Variants in STARD10 observed in about 807,000 individuals in gnomAD.
STARD10 encodes StAR related lipid transfer domain containing 10.
A neutral mutation model predicts 36.0 loss-of-function variants in STARD10; 24 were observed. The observed-to-expected ratio is 0.67, with a 90% CI of 0.48 to 0.94. The LOEUF is 0.94. Ranked by LOEUF, STARD10 falls within the 40% of genes least tolerant of loss-of-function variation. The pLI, the probability that STARD10 is intolerant of heterozygous loss-of-function variation, is 0.00. For missense variants in STARD10, 335 were observed against 396.6 expected, an observed-to-expected ratio of 0.84 and a Z score of 1.32; for synonymous variants, 156 against 161.9, an observed-to-expected ratio of 0.96 and a Z score of 0.28.
At chr11:72,790,069 A>G (rs1229508417) in intron 1 of STARD10, among the ~76,000 whole-genome samples, 1 of 152,098 alleles carries the variant, frequency 6.6e-6, no homozygotes, top group Non-Finnish European at 1.5e-5. Context: ...CACCAAGGAG[A>G]GCTCTCGGCC....
At chr11:72,774,859 G>A (rs1858910052) in intron 2 of STARD10, among the ~76,000 whole-genome samples, 1 of 152,238 alleles carries the variant, frequency 6.6e-6, no homozygotes, top group African/African-American at 2.4e-5. Context: ...AGATGCAGGG[G>A]AAGAAAGAAA....
At chr11:72,780,725 G>A (rs535060283) in intron 2 of STARD10, 7 of 552,310 alleles carry the variant, frequency 1.3e-5, no homozygotes, top group Non-Finnish European at 2.3e-5. Flanking sequence ...GAACAGGCAG[G>A]GGCATGCAGA....
At chr11:72,779,179 C>A (rs1313297841) in intron 2 of STARD10, among the ~76,000 whole-genome samples, 2 of 152,252 alleles carry the variant, frequency 1.3e-5, no homozygotes, top group East Asian at 1.9e-4. Flanking sequence ...CACTTCTCCC[C>A]CAGTGTGCAC....
At chr11:72,792,437 G>A (rs1413253520) in intron 1 of STARD10, among the ~76,000 whole-genome samples, 2 of 152,034 alleles carry the variant, frequency 1.3e-5, no homozygotes, top group African/African-American at 4.8e-5. Context: ...GGCCCAATCT[G>A]TAATGAGACC....
intron 4 of STARD10, 139 bp downstream of exon 4, chr11:72,758,391 C>A (rs377591454): frequency 1.7e-5 from 12 of 698,562 alleles, no homozygotes; most frequent in African/African-American, 5.3e-5. Context: ...GAGCCATTAT[C>A]CTCACTGTAC....
chr11:72,787,057 C>T (rs1859082193), intron 1 of STARD10, among the ~76,000 whole-genome samples: 1 of 137,520 alleles, frequency 7.3e-6, no homozygotes, highest in Admixed American at 8.2e-5. Flanking sequence ...GCACTCTAGC[C>T]TGGGTGACAG....
intron 2 of STARD10, among the ~76,000 whole-genome samples, chr11:72,764,658 T>C (rs1858762494): frequency 6.6e-6 from 1 of 152,116 alleles, no homozygotes; most frequent in African/African-American, 2.4e-5. Context: ...CGGGCGGCGG[T>C]GGCCACGCCC....
At chr11:72,791,160 T>C (rs1859138581) in intron 1 of STARD10, among the ~76,000 whole-genome samples, 4 of 152,156 alleles carry the variant, frequency 2.6e-5, no homozygotes, top group Admixed American at 2.6e-4. Flanking sequence ...ATCCCCACTT[T>C]ACAGACAATT....
At chr11:72,772,042 C>T (rs1858865327) in intron 2 of STARD10, among the ~76,000 whole-genome samples, 1 of 152,228 alleles carries the variant, frequency 6.6e-6, no homozygotes, top group South Asian at 2.1e-4. Context: ...TCATCCCCAA[C>T]AGCCCCCAGA....
chr11:72,774,425 C>A (rs751353693), intron 2 of STARD10, among the ~76,000 whole-genome samples: 2 of 152,218 alleles, frequency 1.3e-5, no homozygotes, highest in African/African-American at 2.4e-5. Context: ...CTGCCCCAGG[C>A]TCTCTTTAAA....
chr11:72,756,865 G>A (rs1858651718), intron 5 of STARD10, among the ~76,000 whole-genome samples: 1 of 152,162 alleles, frequency 6.6e-6, no homozygotes, highest in African/African-American at 2.4e-5. Context: ...AGTGACGGGG[G>A]CTAAGCGCGG....
intron 2 of STARD10, among the ~76,000 whole-genome samples, chr11:72,772,931 GTA>G (rs1858881643): frequency 6.6e-6 from 1 of 152,126 alleles, no homozygotes; most frequent in African/African-American, 2.4e-5. Context: ...CTCAGCCTGA[GTA>G]TATGTCTCTG....
intron 2 of STARD10, among the ~76,000 whole-genome samples, chr11:72,769,548 T>C (rs539978775): frequency 6.6e-6 from 1 of 152,270 alleles, no homozygotes; most frequent in South Asian, 2.1e-4. Context: ...TTTGTCATGT[T>C]GCCCAGGCTG....
At chr11:72,784,169 A>G (rs745315546) in intron 1 of STARD10, among the ~76,000 whole-genome samples, 1 of 152,174 alleles carries the variant, frequency 6.6e-6, no homozygotes, top group African/African-American at 2.4e-5. Context: ...AAGCCCATTC[A>G]TATCCTTCTC....
At chr11:72,758,289 A>G (rs1858672451) in intron 4 of STARD10, among the ~76,000 whole-genome samples, 1 of 152,152 alleles carries the variant, frequency 6.6e-6, no homozygotes, top group South Asian at 2.1e-4. Flanking sequence ...CCAGAGCCCA[A>G]CCAATCGAAG....
rs1858683960 is a variant in STARD10, at chr11:72,759,052, G to A, written c.355+182C>T. 5 of 653,066 alleles carry A rather than the reference G, an allele frequency of 7.7e-6. No homozygotes were observed. The African/African-American group carries it at 9.1e-5, about 12-fold the overall frequency. The allele number at this position is 653,066 out of a possible 1,614,324, so 40.5% of individuals were successfully genotyped here. A position where few individuals can be genotyped will look rare whatever the true frequency, so the allele number is the denominator to read the frequency against. On this transcript the variant is annotated intron_variant, in intron 3 of 6. Coordinates refer to ENST00000334805, the MANE Select transcript of STARD10 (RefSeq NM_006645.3). ...TGTGAGTGCATATGTATTTGTAAGT[G>A]TATGGGTGTGTGCCTAAGGGTCTAG...
At chr11:72,789,644 G>A (rs1313219962) in intron 1 of STARD10, among the ~76,000 whole-genome samples, 5 of 152,192 alleles carry the variant, frequency 3.3e-5, no homozygotes, top group African/African-American at 1.2e-4. Context: ...CACATTCCAG[G>A]GGCTGGCTCC....
chr11:72,788,362 C>T (rs1393015493), intron 1 of STARD10, among the ~76,000 whole-genome samples: 1 of 152,094 alleles, frequency 6.6e-6, no homozygotes, highest in Non-Finnish European at 1.5e-5. Context: ...GAGTGACAAC[C>T]TACAGACCTC....
At chr11:72,775,478 C>CTA (rs1329738903) in intron 2 of STARD10, among the ~76,000 whole-genome samples, 1 of 152,142 alleles carries the variant, frequency 6.6e-6, no homozygotes, top group Non-Finnish European at 1.5e-5. Context: ...TCCAAATGTA[C>CTA]TACCCTGTGA....
Sources: allele counts gnomAD v4.1 joint callset (sites outside exome capture counted in the v4.1 genomes callset), GRCh38; gene constraint gnomAD v4.1.1; transcripts MANE v1.5; gene names NCBI Gene and HGNC (gene_info 2026-07-23, HGNC 2026-07-21).